The following TGM6 variants were observed in gnomAD, a reference collection of about 807,000 sequenced individuals.
The protein encoded by TGM6 is protein-glutamine gamma-glutamyltransferase 6.
In TGM6, 74 loss-of-function variants were observed where a neutral mutation model predicts 77.5. That is an observed-to-expected ratio of 0.96 (90% confidence interval 0.79 to 1.16). The LOEUF (loss-of-function observed/expected upper bound fraction) is 1.16. Among genes scored for constraint, TGM6 ranks in the 50% most tolerant of loss-of-function variants. TGM6 has a pLI of 0.00. For missense variants in TGM6, 968 were observed against 940.2 expected (o/e 1.03, Z -0.39); for synonymous variants, 383 against 378.9 (o/e 1.01, Z -0.12).
rs3050731 is a variant in TGM6, at chr20:2,406,831, C to CAAAAAAAAAAAAAAAAAAA, written c.1336+3025_1336+3043dup. On this transcript the variant is annotated intron_variant, in intron 9 of 12. Transcript: ENST00000202625. ...CCTCAGCAACAAGTGCGAAACTCCT[C>CAAAAAAAAAAAAAAAAAAA]AAAAAAAAAAAAAAAAAAAAAAAAA... Among the ~76,000 whole-genome samples, 22 of 63,706 alleles carry CAAAAAAAAAAAAAAAAAAA rather than the reference C, an allele frequency of 3.5e-4. 1 individual carries two copies. Among genetic ancestry groups the CAAAAAAAAAAAAAAAAAAA allele is most frequent in the African/African-American group, 4.9e-4 (11 of 22,390 alleles). 41.8% of individuals were successfully genotyped at this position (63,706 alleles called of 152,430 possible).
Position 2,403,485 on chromosome 20 carries a change from C to A in TGM6, c.1078C>A (p.Gln360Lys). Residue 360 changes from glutamine to lysine, a missense_variant, in exon 8 of 13, where the codon CAG becomes AAG. Physicochemically the swap from Gln to Lys is moderately conservative, Grantham distance 53. Transcript: ENST00000202625. ...NGWQVLDATPQEESEGVFRCG... is the reference protein window; with the variant it reads ...NGWQVLDATPKEESEGVFRCG... ...CTGGCAGGTTCTGGATGCCACCCCC[C>A]AGGAGGAGAGTGAAGGTACGCTCAA... 2 of 1,614,158 alleles carry A rather than the reference C, an allele frequency of 1.2e-6. No homozygotes were observed. Among genetic ancestry groups the A allele is most frequent in the African/African-American group, 1.3e-5 (1 of 75,046 alleles).
At position 2,380,952 on chromosome 20, in the gene TGM6, G is replaced by A. The variant is rs1045304047; in HGVS notation, c.-17G>A. 8 of 1,606,674 alleles carry A rather than the reference G, an allele frequency of 5.0e-6. No individual in the cohort carries two copies. The highest frequency in any genetic ancestry group is 6.8e-6 in the Non-Finnish European group (8 of 1,177,980). On this transcript the variant is annotated 5_prime_UTR_variant, in exon 1 of 13. Transcript: ENST00000202625. ...CACTGCTGTGTGGAGGAACAGAGGA[G>A]TCCAGCTGGCCTTCACATGGCAGGT...
chr20:2,381,198 T>G (rs2084552363), intron 1 of TGM6, among the ~76,000 whole-genome samples: 1 of 152,146 alleles, frequency 6.6e-6, no homozygotes. Flanking sequence ...GCTCAGGCGC[T>G]GTCTCCTGGG....
intron 1 of TGM6, among the ~76,000 whole-genome samples, chr20:2,393,894 T>G (rs1165922656): frequency 6.6e-6 from 1 of 152,186 alleles, no homozygotes; most frequent in African/African-American, 2.4e-5. Flanking sequence ...GATGAATAAG[T>G]TGGGACCAGA....
chr20:2,424,544 T>A (rs1032646240), intron 10 of TGM6, among the ~76,000 whole-genome samples: 6 of 152,230 alleles, frequency 3.9e-5, no homozygotes, highest in African/African-American at 1.4e-4. Flanking sequence ...CTTAATGGAA[T>A]GTTATGGCTG....
chr20:2,430,039 C>T (rs2084914104), intron 10 of TGM6, among the ~76,000 whole-genome samples: 1 of 152,172 alleles, frequency 6.6e-6, no homozygotes, highest in African/African-American at 2.4e-5. Flanking sequence ...CTTTGGTCTT[C>T]CTCTTCTCTG....
At position 2,432,642 on chromosome 20, in the gene TGM6, G is replaced by T; in HGVS notation, c.2120G>T (p.Ter707LeuextTer6). 6.2e-7 allele frequency: 1 copy of T among 1,614,116 alleles called. No individual in the cohort carries two copies. The highest frequency in any genetic ancestry group is 1.3e-5 in the African/African-American group (1 of 75,034). Residue 707 changes from the stop codon to leucine, a stop_lost, in exon 13 of 13, where the codon TGA (stop) becomes TTA (leucine). Transcript: ENST00000202625. ...FVIVHVATAK[*>L] is the part of the protein sequence containing the mutation. Reference sequence around the variant, plus strand: ...ATCGTCCATGTGGCCACTGCCAAGTGATGGATCATGAGGGACTGAGAGGGG... The same window carrying T: ...ATCGTCCATGTGGCCACTGCCAAGTTATGGATCATGAGGGACTGAGAGGGG...
At position 2,398,002 on chromosome 20, in the gene TGM6, T is replaced by C; in HGVS notation, c.628T>C (p.Cys210Arg). ...HQNNPATDVS[C>R]RHNPIYVTRV... ...AAACAACCCAGCCACCGACGTGTCC[T>C]GCCGCCACAACCCCATCTACGTCAC... Residue 210 changes from cysteine (C) to arginine (R), a missense_variant, in exon 5 of 13, where the codon TGC becomes CGC. Transcript: ENST00000202625. 6.2e-7 allele frequency: 1 copy of C among 1,614,150 alleles called. No homozygotes were observed. The highest frequency in any genetic ancestry group is 8.5e-7 in the Non-Finnish European group (1 of 1,180,026).
chr20:2,418,571 G>A (rs780139260), intron 10 of TGM6, among the ~76,000 whole-genome samples: 17 of 152,174 alleles, frequency 1.1e-4, no homozygotes, highest in Admixed American at 3.3e-4. Flanking sequence ...AGCCAGGAAC[G>A]TTGACCACAG....
At chr20:2,426,162 T>C (rs1021594001) in intron 10 of TGM6, among the ~76,000 whole-genome samples, 3 of 152,176 alleles carry the variant, frequency 2.0e-5, no homozygotes, top group African/African-American at 7.2e-5. Context: ...ATTTATTTAG[T>C]TTTTTGATTT....
rs2084679932 is a variant in TGM6 at position 2,397,933 on chromosome 20, C to G, written c.559C>G (p.Leu187Val). The G allele has an allele frequency of 2.5e-6, 4 of 1,614,130 alleles. No individual in the cohort carries two copies. Among genetic ancestry groups the G allele is most frequent in the Non-Finnish European group, 3.4e-6 (4 of 1,180,012 alleles). Residue 187 changes from leucine to valine, a missense_variant, in exon 5 of 13, where the codon CTG becomes GTG. Leu to Val is a conservative substitution (Grantham distance 32). Transcript: ENST00000202625. ...TGGGGAGCAGTTTGAGGAGGACATCCTGAACATCTGCCTCTCCATCCTGGA... is the reference window on the plus strand; with the variant it reads ...TGGGGAGCAGTTTGAGGAGGACATCGTGAACATCTGCCTCTCCATCCTGGA... ...WNYGQFEEDI[L>V]NICLSILDRS...
intron 10 of TGM6, among the ~76,000 whole-genome samples, chr20:2,421,101 C>G (rs1371409154): frequency 6.6e-6 from 1 of 152,118 alleles, no homozygotes; most frequent in East Asian, 1.9e-4. Flanking sequence ...ATTCTCCTGC[C>G]TCAGCCTCTC....
rs370250506 is a variant in TGM6 at position 2,394,751 on chromosome 20, G to A, written c.181+126G>A. 5.8e-5 allele frequency: 68 copies of A among 1,174,288 alleles called. 1 individual carries two copies. Among genetic ancestry groups the A allele is most frequent in the East Asian group, 3.3e-4 (13 of 39,328 alleles). 72.7% of individuals were successfully genotyped at this position (1,174,288 alleles called of 1,614,324 possible). Reference sequence around the variant, plus strand: ...GGGAAGCAAGTCACTGTAGGTAGACGGAGCCTTGAACCCTGGAGGCTTCTG... The same window carrying A: ...GGGAAGCAAGTCACTGTAGGTAGACAGAGCCTTGAACCCTGGAGGCTTCTG... On this transcript the variant is annotated intron_variant, in intron 2 of 12. Coordinates refer to ENST00000202625, the MANE Select transcript of TGM6 (RefSeq NM_198994.3).
chr20:2,403,791 T>C lies in TGM6; in HGVS notation c.1304T>C (p.Val435Ala), dbSNP rs774694098. 5.6e-6 allele frequency: 9 copies of C among 1,614,038 alleles called. No homozygotes were observed. Among genetic ancestry groups the C allele is most frequent in the Non-Finnish European group, 5.1e-6 (6 of 1,180,038 alleles). The change falls in exon 9 of 13, where the codon GTG (valine) becomes GCG (alanine). Residue 435 changes from valine to alanine, a missense_variant. By Grantham distance (64) the Val-to-Ala change is moderately conservative. Coordinates refer to ENST00000202625, the MANE Select transcript of TGM6 (RefSeq NM_198994.3). ...STKAVGSDSRVDITDLYKYPE... is the reference protein window; with the variant it reads ...STKAVGSDSRADITDLYKYPE... ...AAGGCGGTGGGCAGTGACTCCCGCG[T>C]GGACATCACTGACCTCTACAAGTAT...
At chr20:2,384,883 G>A (rs940215649) in intron 1 of TGM6, among the ~76,000 whole-genome samples, 1 of 152,124 alleles carries the variant, frequency 6.6e-6, no homozygotes, top group Admixed American at 6.5e-5. Context: ...CCTGGGGTTG[G>A]CGAGCCTTTA....
In TGM6 at chr20:2,403,809, A is replaced by G. The variant is rs138950659; in HGVS notation, c.1322A>G (p.Tyr441Cys). ...SDSRVDITDLYKYPEGSRKER... is the reference protein window; with the variant it reads ...SDSRVDITDLCKYPEGSRKER... ...TCCCGCGTGGACATCACTGACCTCT[A>G]CAAGTATCCGGAAGGTAAGGGCCAC... The change falls in exon 9 of 13, where the codon TAC becomes TGC. Residue 441 changes from tyrosine to cysteine, a missense_variant. Coordinates refer to ENST00000202625, the MANE Select transcript of TGM6 (RefSeq NM_198994.3). 63 of 1,614,122 alleles carry G rather than the reference A, an allele frequency of 3.9e-5. No individual in the cohort carries two copies. The highest frequency in any genetic ancestry group is 5.3e-5 in the Non-Finnish European group (62 of 1,180,018).
At chr20:2,399,788 T>G (rs1325776049) in intron 6 of TGM6, 50 bp downstream of exon 6, 1 of 1,489,676 alleles carries the variant, frequency 6.7e-7, no homozygotes, top group South Asian at 1.2e-5. Flanking sequence ...CAGCTTCCTC[T>G]ATCTAAATGT....
At position 2,402,628 on chromosome 20, in the gene TGM6, G is replaced by A. The variant is rs368831819; in HGVS notation, c.990-769G>A. On this transcript the variant is annotated intron_variant, in intron 7 of 12. Coordinates refer to ENST00000202625, the MANE Select transcript of TGM6 (RefSeq NM_198994.3). ...CTGCCGAAGAGGAGTTCTGAGGCCG[G>A]CTGTAAAGATGCCAAGTCAGGCAAA... 1.4e-4 allele frequency among the ~76,000 whole-genome samples: 22 copies of A among 152,314 alleles called. No individual in the cohort carries two copies. In the South Asian group the frequency reaches 3.5e-3, roughly 24 times the overall value.
At chr20:2,390,739 T>A (rs1265837053) in intron 1 of TGM6, among the ~76,000 whole-genome samples, 5 of 152,086 alleles carry the variant, frequency 3.3e-5, no homozygotes, top group African/African-American at 7.2e-5. Context: ...TTGCAATTTA[T>A]AAAGGAGTGG....
Sources: allele counts gnomAD v4.1 joint callset (sites outside exome capture counted in the v4.1 genomes callset), GRCh38; gene constraint gnomAD v4.1.1; transcripts MANE v1.5; gene names NCBI Gene and HGNC (gene_info 2026-07-23, HGNC 2026-07-21).